The following SINHCAF variants were observed in gnomAD, a reference collection of about 807,000 sequenced individuals.
SINHCAF encodes SIN3-HDAC complex associated factor.
In SINHCAF, 3 loss-of-function variants were observed where a neutral mutation model predicts 25.8. The observed-to-expected ratio is 0.12, with a 90% confidence interval of 0.05 to 0.30. SINHCAF has a LOEUF of 0.30. Among genes scored for constraint, SINHCAF ranks in the 10% least tolerant of loss-of-function variants. The pLI is 1.00. For missense variants in SINHCAF, 121 were observed against 262.3 expected, an observed-to-expected ratio of 0.46 and a Z score of 3.72; for synonymous variants, 70 against 85.5, an observed-to-expected ratio of 0.82 and a Z score of 1.00.
At chr12:31,286,369 C>T (rs139901907) in intron 5 of SINHCAF, among the ~76,000 whole-genome samples, 2 of 151,930 alleles carry the variant, frequency 1.3e-5, no homozygotes, top group South Asian at 2.1e-4. Flanking sequence ...CCTTTAGAAA[C>T]TATCAATGTG....
chr12:31,287,016 A>G (rs1938109679), intron 5 of SINHCAF, among the ~76,000 whole-genome samples: 5 of 152,158 alleles, frequency 3.3e-5, no homozygotes. Context: ...TCCTAGGCTC[A>G]AACAATCCCC....
chr12:31,288,565 C>T (rs1238886703), intron 4 of SINHCAF, among the ~76,000 whole-genome samples: 1 of 151,312 alleles, frequency 6.6e-6, no homozygotes, highest in Non-Finnish European at 1.5e-5. Context: ...CAAGGAGCCT[C>T]CCCCTCCCCC....
At chr12:31,287,586 C>T (rs777103796) in intron 5 of SINHCAF, 48 bp downstream of exon 5, 1 of 1,431,664 alleles carries the variant, frequency 7.0e-7, no homozygotes, top group East Asian at 2.3e-5. Flanking sequence ...AAATACTGCC[C>T]ATAATTAAGA....
chr12:31,286,742 A>C (rs1257541778), intron 5 of SINHCAF, among the ~76,000 whole-genome samples: 1 of 152,102 alleles, frequency 6.6e-6, no homozygotes, highest in African/African-American at 2.4e-5. Context: ...AATCTTACAT[A>C]CCTAGAATAA....
At position 31,325,308 on chromosome 12, in the gene SINHCAF, G is replaced by A. The variant is rs1191639182; in HGVS notation, c.-21+716C>T. On this transcript the variant is annotated intron_variant, in intron 1 of 5. Coordinates refer to ENST00000337682, the MANE Select transcript of SINHCAF (RefSeq NM_001135812.2). The surrounding 1 kb of genome is among the most constrained non-coding windows in gnomAD (Gnocchi z 5.9). ...GTCCGAAGAGGGCAGGCGAGTGGAA[G>A]ACGGGCTGTTTTTAAGCGACCGCGT... 3.3e-5 allele frequency: 15 copies of A among 447,892 alleles called. No homozygotes were observed. The highest frequency in any genetic ancestry group is 7.0e-5 in the East Asian group (1 of 14,294). The allele number at this position is 447,892 out of a possible 1,614,324, so 27.7% of individuals were successfully genotyped here. A position where few individuals can be genotyped will look rare whatever the true frequency, so the allele number is the denominator to read the frequency against.
intron 1 of SINHCAF, among the ~76,000 whole-genome samples, chr12:31,316,837 C>G (rs924677723): frequency 6.6e-6 from 1 of 152,092 alleles, no homozygotes; most frequent in Admixed American, 6.5e-5. Context: ...GAATAGGAGA[C>G]AGAGAAAAGG....
intron 2 of SINHCAF, among the ~76,000 whole-genome samples, chr12:31,295,799 G>C (rs1274506831): frequency 6.6e-6 from 1 of 151,924 alleles, no homozygotes; most frequent in Admixed American, 6.6e-5. Context: ...TTGAGCCCAG[G>C]AAGCAGAGGT....
intron 1 of SINHCAF, among the ~76,000 whole-genome samples, chr12:31,301,978 C>T (rs1276676754): frequency 6.6e-6 from 1 of 152,178 alleles, no homozygotes; most frequent in Non-Finnish European, 1.5e-5. Flanking sequence ...TACAATCTAT[C>T]TTATTTGTTC....
At chr12:31,323,928 G>T (rs1939824530) in intron 1 of SINHCAF, 1 of 455,408 alleles carries the variant, frequency 2.2e-6, no homozygotes, top group African/African-American at 2.0e-5. Context: ...TCCTCCCAGG[G>T]CCCTCGGGTC....
intron 1 of SINHCAF, among the ~76,000 whole-genome samples, chr12:31,313,829 T>A (rs1592986206): frequency 6.6e-6 from 1 of 151,972 alleles, no homozygotes; most frequent in East Asian, 1.9e-4. Context: ...TTTGTATTTT[T>A]AGTAGAGATG....
chr12:31,309,022 G>C (rs1939148276), intron 1 of SINHCAF, among the ~76,000 whole-genome samples: 1 of 151,224 alleles, frequency 6.6e-6, no homozygotes, highest in Admixed American at 6.6e-5. Flanking sequence ...TAGCTACCTG[G>C]CAGGCTGAGG....
At chr12:31,314,119 A>G (rs1015732188) in intron 1 of SINHCAF, among the ~76,000 whole-genome samples, 6 of 152,146 alleles carry the variant, frequency 3.9e-5, no homozygotes, top group African/African-American at 1.4e-4. Context: ...GAAGGACAAC[A>G]AGAGCAGGGG....
intron 1 of SINHCAF, among the ~76,000 whole-genome samples, chr12:31,323,547 A>G (rs1303455925): frequency 1.3e-5 from 2 of 152,210 alleles, no homozygotes; most frequent in African/African-American, 4.8e-5. Flanking sequence ...TAATCTTCCG[A>G]GTGCCTGAAG....
intron 1 of SINHCAF, among the ~76,000 whole-genome samples, chr12:31,300,968 G>A (rs980594874): frequency 2.6e-5 from 4 of 152,032 alleles, no homozygotes; most frequent in African/African-American, 7.2e-5. Flanking sequence ...ATCCTATTAC[G>A]ACAGACAGAT....
intron 1 of SINHCAF, chr12:31,303,598 A>T (rs1386962439): frequency 6.6e-6 from 1 of 152,132 alleles, no homozygotes; most frequent in African/African-American, 2.4e-5. Context: ...AGTGTGAGCC[A>T]CTGCACCTGA....
rs142498287 is a variant in SINHCAF, at chr12:31,305,888, C to T, written c.-20-7664G>A. Among the ~76,000 whole-genome samples the T allele has an allele frequency of 0.013, 1,937 of 152,102 alleles. 145 individuals are homozygous for T. In the East Asian group the frequency reaches 0.22, roughly 18 times the overall value. ...CTAATTTTTGTATTGTTAGTGGAGA[C>T]AGGATTTCACCATGTTAGCCAGGCT... On this transcript the variant is annotated intron_variant, in intron 1 of 5. Transcript: ENST00000337682.
chr12:31,297,045 C>A (rs937136080), intron 2 of SINHCAF: 1 of 422,182 alleles, frequency 2.4e-6, no homozygotes, highest in African/African-American at 2.1e-5. Flanking sequence ...GACATTGTCT[C>A]TTTAAAAAAG....
chr12:31,282,929 A>G, intron 5 of SINHCAF, 58 bp from the exon 6 acceptor site: 1 of 1,337,252 alleles, frequency 7.5e-7, no homozygotes, highest in Non-Finnish European at 1.0e-6. Context: ...AGGAATACAA[A>G]AGAAATCTAC....
rs1939853008 is a variant in SINHCAF, at chr12:31,324,288, C to T, written c.-21+1736G>A. 1 of 173,900 alleles carries T rather than the reference C, an allele frequency of 5.8e-6. No individual in the cohort carries two copies. Among genetic ancestry groups the T allele is most frequent in the South Asian group, 1.5e-4 (1 of 6,630 alleles). The allele number at this position is 173,900 out of a possible 1,614,324, so 10.8% of individuals were successfully genotyped here. A position where few individuals can be genotyped will look rare whatever the true frequency, so the allele number is the denominator to read the frequency against. On this transcript the variant is annotated intron_variant, in intron 1 of 5. Transcript: ENST00000337682. The surrounding 1 kb of genome is among the most constrained non-coding windows in gnomAD (Gnocchi z 5.5). ...TTCAAACATGGCAACAGTTCGACTT[C>T]AAAGGCGAACCCACAGACCTCCCAG...
Sources: allele counts gnomAD v4.1 joint callset (sites outside exome capture counted in the v4.1 genomes callset), GRCh38; gene constraint gnomAD v4.1.1; non-coding constraint Gnocchi (gnomAD v3.1); transcripts MANE v1.5; gene names NCBI Gene and HGNC (gene_info 2026-07-23, HGNC 2026-07-21).